ZNF804B: variants seen among roughly 807,000 people sequenced by gnomAD.
The protein encoded by ZNF804B is zinc finger protein 804B.
A neutral mutation model predicts 101.4 loss-of-function variants in ZNF804B; 80 were observed. The ratio of observed to expected loss-of-function variants is 0.79; its 90% CI spans 0.66 to 0.95. The LOEUF (loss-of-function observed/expected upper bound fraction) is 0.95. ZNF804B is among the 40% of genes least tolerant of loss of function. The pLI is 0.00. For missense variants in ZNF804B, 1,673 were observed against 1,561.9 expected, an observed-to-expected ratio of 1.07 and a Z score of -1.20; for synonymous variants, 622 against 558.8, an observed-to-expected ratio of 1.11 and a Z score of -1.59.
rs1443718050 is a variant in ZNF804B, at chr7:89,336,782, C to A, written c.3800C>A (p.Pro1267His). Residue 1267 changes from proline (P) to histidine (H), a missense_variant, in exon 4 of 4, where the codon CCC becomes CAC. Pro to His is a moderately conservative substitution (Grantham distance 77). Transcript: ENST00000333190. The stretch of plus-strand genomic sequence containing the variant: ...CACCCCACTTTCTTAGCAGGTCATC[C>A]CCTGCATTTAGTAGCTGCTACCCCC... ...PAHPTFLAGH[P>H]LHLVAATPFH... 1 of 1,614,016 alleles carries A rather than the reference C, an allele frequency of 6.2e-7. No homozygotes were observed. Among genetic ancestry groups the A allele is most frequent in the South Asian group, 1.1e-5 (1 of 91,086 alleles).
chr7:89,203,925 T>C (rs1287536499), intron 1 of ZNF804B, among the ~76,000 whole-genome samples: 1 of 152,190 alleles, frequency 6.6e-6, no homozygotes, highest in Non-Finnish European at 1.5e-5. Context: ...CCAGAACAAT[T>C]TAAGAAGTTC....
At chr7:88,866,042 C>T (rs1176691417) in intron 1 of ZNF804B, among the ~76,000 whole-genome samples, 2 of 152,066 alleles carry the variant, frequency 1.3e-5, no homozygotes, top group Non-Finnish European at 2.9e-5. Flanking sequence ...ATGTCTTGTC[C>T]ACAGTAAGTA....
chr7:89,237,253 T>C (rs2115753748), intron 2 of ZNF804B, among the ~76,000 whole-genome samples: 1 of 152,202 alleles, frequency 6.6e-6, no homozygotes, highest in African/African-American at 2.4e-5. Context: ...TAGAAGAAAA[T>C]ATGGTTGACT....
intron 1 of ZNF804B, chr7:88,794,645 G>A: frequency 1.9e-6 from 3 of 1,613,780 alleles, no homozygotes; most frequent in Non-Finnish European, 2.5e-6. Flanking sequence ...GAGGACTCGA[G>A]GATATGCAGA....
chr7:89,183,912 G>A (rs1056895269), intron 1 of ZNF804B, among the ~76,000 whole-genome samples: 4 of 152,092 alleles, frequency 2.6e-5, no homozygotes, highest in Non-Finnish European at 4.4e-5. Context: ...CTTTTTGTGG[G>A]TCCTTAATTT....
At chr7:88,931,465 G>T (rs987770676) in intron 1 of ZNF804B, among the ~76,000 whole-genome samples, 1 of 151,800 alleles carries the variant, frequency 6.6e-6, no homozygotes, top group Non-Finnish European at 1.5e-5. Context: ...TGCAAAGGAA[G>T]GCTGCATCTG....
At chr7:88,806,652 T>C (rs2115724310) in intron 1 of ZNF804B, among the ~76,000 whole-genome samples, 1 of 152,198 alleles carries the variant, frequency 6.6e-6, no homozygotes, top group East Asian at 1.9e-4. Flanking sequence ...TGTGTATGTG[T>C]GTGTGTTGTT....
At chr7:89,057,545 A>C (rs80188662) in intron 1 of ZNF804B, among the ~76,000 whole-genome samples, 2,974 of 152,136 alleles carry the variant, frequency 0.02, 42 homozygotes, top group South Asian at 0.031. Context: ...AAACTATACC[A>C]TTCGAAGTCA....
intron 1 of ZNF804B, among the ~76,000 whole-genome samples, chr7:89,107,957 T>C (rs1208374651): frequency 2.0e-5 from 3 of 152,078 alleles, no homozygotes; most frequent in Non-Finnish European, 4.4e-5. Context: ...ATTAAAAAGT[T>C]GTACTGTGGG....
chr7:89,127,067 T>C (rs10263540), intron 1 of ZNF804B, among the ~76,000 whole-genome samples: 44,528 of 151,790 alleles, frequency 0.29, 7,071 homozygotes, highest in East Asian at 0.58. Flanking sequence ...TACCTGATCA[T>C]TTCTGGAAAA....
At chr7:88,839,915 A>G (rs1485260074) in intron 1 of ZNF804B, among the ~76,000 whole-genome samples, 1 of 152,156 alleles carries the variant, frequency 6.6e-6, no homozygotes, top group African/African-American at 2.4e-5. Flanking sequence ...CTCACCTCCT[A>G]TTAACTGGGA....
At chr7:89,251,914 T>C (rs1789547413) in intron 2 of ZNF804B, among the ~76,000 whole-genome samples, 2 of 152,110 alleles carry the variant, frequency 1.3e-5, no homozygotes, top group Non-Finnish European at 2.9e-5. Flanking sequence ...AGTCAAGATG[T>C]ATTAAAGATT....
At chr7:89,178,689 T>G (rs748550271) in intron 1 of ZNF804B, among the ~76,000 whole-genome samples, 4 of 152,184 alleles carry the variant, frequency 2.6e-5, no homozygotes, top group Non-Finnish European at 5.9e-5. Context: ...ACTCAAGATA[T>G]GAGAAGTTTA....
intron 1 of ZNF804B, among the ~76,000 whole-genome samples, chr7:88,848,284 G>C (rs1404915024): frequency 6.6e-6 from 1 of 152,202 alleles, no homozygotes; most frequent in Non-Finnish European, 1.5e-5. Flanking sequence ...TCAACAGGCA[G>C]AGTGTCCACA....
At chr7:88,785,631 C>A (rs565634452) in intron 1 of ZNF804B, among the ~76,000 whole-genome samples, 14 of 152,070 alleles carry the variant, frequency 9.2e-5, no homozygotes, top group Non-Finnish European at 2.1e-4. Context: ...TGGCCCCATA[C>A]CTTGCTATCC....
In ZNF804B at chr7:89,126,635, G is replaced by A. The variant is rs144492899; in HGVS notation, c.109-91520G>A. Among the ~76,000 whole-genome samples, 110 of 151,748 alleles carry A rather than the reference G, an allele frequency of 7.2e-4. 2 individuals carry two copies. The East Asian group carries it at 0.02, about 27-fold the overall frequency. On this transcript the variant is annotated intron_variant, in intron 1 of 3. Coordinates refer to ENST00000333190, the MANE Select transcript of ZNF804B (RefSeq NM_181646.5). Reference sequence around the variant, plus strand: ...TTTCTTCTGCTTTCTGCAGATTTTTGAATTATGGTATTTGTGTGTGTGTGT... The same window carrying A: ...TTTCTTCTGCTTTCTGCAGATTTTTAAATTATGGTATTTGTGTGTGTGTGT...
chr7:89,248,051 A>G (rs1789477797), intron 2 of ZNF804B, among the ~76,000 whole-genome samples: 1 of 152,180 alleles, frequency 6.6e-6, no homozygotes, highest in Admixed American at 6.5e-5. Context: ...AACCAAAATA[A>G]AGAAAAAAAA....
chr7:89,053,501 AG>A (rs927383225), intron 1 of ZNF804B, among the ~76,000 whole-genome samples: 1 of 152,168 alleles, frequency 6.6e-6, no homozygotes, highest in Non-Finnish European at 1.5e-5. Flanking sequence ...CAACATTAAA[AG>A]TAAACTAATT....
intron 1 of ZNF804B, among the ~76,000 whole-genome samples, chr7:89,217,632 G>A (rs926517502): frequency 1.3e-5 from 2 of 152,164 alleles, no homozygotes; most frequent in East Asian, 1.9e-4. Context: ...TGAAGAACAT[G>A]GACATAAACC....
Sources: allele counts gnomAD v4.1 joint callset (sites outside exome capture counted in the v4.1 genomes callset), GRCh38; gene constraint gnomAD v4.1.1; transcripts MANE v1.5; gene names NCBI Gene and HGNC (gene_info 2026-07-23, HGNC 2026-07-21).